The following ZNF676 variants were observed in gnomAD, a reference collection of about 807,000 sequenced individuals.
The protein encoded by ZNF676 is zinc finger protein 676.
ZNF676 carries 4 observed loss-of-function variants against 6.0 expected under a neutral mutation model. The ratio of observed to expected loss-of-function variants is 0.67; its 90% confidence interval spans 0.33 to 1.53. The LOEUF is 1.53. ZNF676 is among the 40% of genes most tolerant of loss of function. The pLI, the probability that ZNF676 is intolerant of heterozygous loss-of-function variation, is 0.06. For missense variants in ZNF676, 644 were observed against 679.7 expected, an observed-to-expected ratio of 0.95 and a Z score of 0.58; for synonymous variants, 198 against 223.1, an observed-to-expected ratio of 0.89 and a Z score of 1.00.
the ZNF676 span, among the ~76,000 whole-genome samples, chr19:22,254,989 A>T: frequency 6.6e-6 from 1 of 152,232 alleles, no homozygotes; most frequent in Non-Finnish European, 1.5e-5. Flanking sequence ...TAAGAATGAG[A>T]TTAACGATCC....
chr19:22,250,496 C>T, the ZNF676 span, among the ~76,000 whole-genome samples: 3 of 152,082 alleles, frequency 2.0e-5, no homozygotes, highest in Non-Finnish European at 4.4e-5. Context: ...TTACCTCACT[C>T]CAACCTCCAC....
intron 2 of ZNF676, among the ~76,000 whole-genome samples, chr19:22,190,804 A>G (rs374299535): frequency 2.6e-5 from 4 of 151,702 alleles, no homozygotes; most frequent in African/African-American, 9.6e-5. Flanking sequence ...ATACTGGAAT[A>G]TCACTCAGTT....
At chr19:22,231,848 C>T in the ZNF676 span, among the ~76,000 whole-genome samples, 1 of 152,068 alleles carries the variant, frequency 6.6e-6, no homozygotes. Context: ...GATCCACCCG[C>T]CTCAGCCTCC....
chr19:22,212,386 T>G (rs752143660), intron 1 of ZNF676, among the ~76,000 whole-genome samples: 1 of 151,944 alleles, frequency 6.6e-6, no homozygotes, highest in Non-Finnish European at 1.5e-5. Flanking sequence ...GCCCTACTAA[T>G]AAGATGCAAT....
chr19:22,217,138 T>C (rs2024200287), upstream of ZNF676, among the ~76,000 whole-genome samples: 1 of 152,036 alleles, frequency 6.6e-6, no homozygotes, highest in Non-Finnish European at 1.5e-5. Context: ...TAGTCTTTCA[T>C]CCCTCACCCC....
At chr19:22,214,332 C>T (rs2024161590) in intron 1 of ZNF676, among the ~76,000 whole-genome samples, 1 of 152,064 alleles carries the variant, frequency 6.6e-6, no homozygotes, top group African/African-American at 2.4e-5. Context: ...AAATCTAATT[C>T]GGCCAGGCGT....
At chr19:22,208,678 G>A (rs1469732797) in intron 1 of ZNF676, among the ~76,000 whole-genome samples, 1 of 152,176 alleles carries the variant, frequency 6.6e-6, no homozygotes, top group African/African-American at 2.4e-5. Flanking sequence ...GGGCATGATG[G>A]CACATGTCTG....
At chr19:22,212,743 TC>T (rs1199906482) in intron 1 of ZNF676, among the ~76,000 whole-genome samples, 1 of 150,060 alleles carries the variant, frequency 6.7e-6, no homozygotes, top group Non-Finnish European at 1.5e-5. Context: ...ACGTCTGTAA[TC>T]CCAGCACTTT....
At chr19:22,237,316 G>A in the ZNF676 span, among the ~76,000 whole-genome samples, 12 of 152,288 alleles carry the variant, frequency 7.9e-5, no homozygotes, top group African/African-American at 2.9e-4. Context: ...AACATTAAAT[G>A]CAGTATTCCT....
At chr19:22,231,346 A>G in the ZNF676 span, among the ~76,000 whole-genome samples, 1 of 152,048 alleles carries the variant, frequency 6.6e-6, no homozygotes, top group Non-Finnish European at 1.5e-5. Flanking sequence ...AAACAATAAA[A>G]TAACATTATT....
chr19:22,200,039 G>A (rs1029944528), upstream of ZNF676, among the ~76,000 whole-genome samples: 3 of 152,052 alleles, frequency 2.0e-5, no homozygotes, highest in African/African-American at 7.2e-5. Context: ...CCTCCAAAAA[G>A]GGTGAATATG....
At chr19:22,256,293 T>C in the ZNF676 span, among the ~76,000 whole-genome samples, 1 of 152,038 alleles carries the variant, frequency 6.6e-6, no homozygotes, top group South Asian at 2.1e-4. Context: ...ATCACCTGAG[T>C]GCTTGGCCAG....
At position 22,189,128 on chromosome 19, in the gene ZNF676, A is replaced by T. The variant is rs537207764; in HGVS notation, c.130+3888T>A. 2.0e-5 allele frequency among the ~76,000 whole-genome samples: 3 copies of T among 152,328 alleles called. No individual in the cohort carries two copies. The South Asian group carries it at 6.2e-4, about 32-fold the overall frequency. ...TTATACTACAAGGCTACAGTAACCA[A>T]AACAGTATGGTACTGGTATCCAAAC... On this transcript the variant is annotated intron_variant, in intron 2 of 2. Coordinates refer to ENST00000397121, the MANE Select transcript of ZNF676 (RefSeq NM_001001411.3).
rs377158192 is a variant in ZNF676 at position 22,196,581 on chromosome 19, G to A, written c.34+19C>T. The A allele has an allele frequency of 2.1e-4, 341 of 1,613,466 alleles. No individual in the cohort carries two copies. The highest frequency in any genetic ancestry group is 2.6e-4 in the Non-Finnish European group (302 of 1,179,518). ...ACCTGTAGTATATACTAGGAATTGC[G>A]TATTAAAGTTATTCTCACCCAGGAA... is the stretch of plus-strand genomic sequence containing the variant. On this transcript the variant is annotated intron_variant, in intron 1 of 2. Coordinates refer to ENST00000397121, the MANE Select transcript of ZNF676 (RefSeq NM_001001411.3).
chr19:22,238,619 G>A, the ZNF676 span, among the ~76,000 whole-genome samples: 3 of 152,036 alleles, frequency 2.0e-5, no homozygotes, highest in Non-Finnish European at 1.5e-5. Flanking sequence ...ATCTGTATTA[G>A]TCAGGGTTCT....
In ZNF676 at chr19:22,181,689, G is replaced by A. The variant is rs189170928; in HGVS notation, c.131-103C>T. ...ATTATTCAAACTACATAAGCAAGAC[G>A]ACATTGCAATATGACACAGGCCCTA... On this transcript the variant is annotated intron_variant, in intron 2 of 2. Transcript: ENST00000397121. 2,139 of 918,718 alleles carry A rather than the reference G, an allele frequency of 2.3e-3. 30 individuals are homozygous for A. The African/African-American group carries it at 0.028, about 12-fold the overall frequency. 56.9% of individuals were successfully genotyped at this position (918,718 alleles called of 1,614,324 possible). A position where few individuals can be genotyped will look rare whatever the true frequency, so the allele number is the denominator to read the frequency against.
At chr19:22,227,209 C>G in the ZNF676 span, among the ~76,000 whole-genome samples, 9 of 152,140 alleles carry the variant, frequency 5.9e-5, no homozygotes, top group Non-Finnish European at 1.3e-4. Context: ...AAGTAACTCA[C>G]TCAAAACCAC....
chr19:22,199,183 A>C (rs1411040527), upstream of ZNF676, among the ~76,000 whole-genome samples: 1 of 152,154 alleles, frequency 6.6e-6, no homozygotes, highest in Non-Finnish European at 1.5e-5. Context: ...ATGAAATGTA[A>C]TTCTGCAGGT....
At chr19:22,236,582 T>G in the ZNF676 span, among the ~76,000 whole-genome samples, 1 of 152,264 alleles carries the variant, frequency 6.6e-6, no homozygotes, top group Non-Finnish European at 1.5e-5. Context: ...GTCATTAGTG[T>G]AGTGGGCTCG....
Sources: allele counts gnomAD v4.1 joint callset (sites outside exome capture counted in the v4.1 genomes callset), GRCh38; gene constraint gnomAD v4.1.1; transcripts MANE v1.5; gene names NCBI Gene and HGNC (gene_info 2026-07-23, HGNC 2026-07-21).